Variants in CFAP221 observed in about 807,000 individuals in gnomAD.
CFAP221 encodes the protein cilia and flagella associated protein 221.
CFAP221 carries 97 observed loss-of-function variants against 113.1 expected under a neutral mutation model. The observed-to-expected ratio is 0.86, with a 90% CI of 0.73 to 1.02. The LOEUF (loss-of-function observed/expected upper bound fraction) is 1.02, where lower values mean the gene tolerates loss of function less well. Ranked by LOEUF, CFAP221 falls within the 50% of genes least tolerant of loss-of-function variation. The pLI, the probability that CFAP221 is intolerant of heterozygous loss-of-function variation, is 0.00. For missense variants in CFAP221, 1,025 were observed against 1,013.4 expected (o/e 1.01, Z -0.16); for synonymous variants, 331 against 354.4 (o/e 0.93, Z 0.74).
chr2:119,658,238 A>G (rs553325823), downstream of CFAP221, among the ~76,000 whole-genome samples: 1 of 152,308 alleles, frequency 6.6e-6, no homozygotes, highest in Non-Finnish European at 1.5e-5. Context: ...GCATGGAATC[A>G]TGGACATTTA....
chr2:119,646,224 A>G (rs1405641600), intron 21 of CFAP221, among the ~76,000 whole-genome samples: 1 of 152,148 alleles, frequency 6.6e-6, no homozygotes. Context: ...ACCAAAAGTA[A>G]ACTACCTGTA....
At position 119,567,284 on chromosome 2, in the gene CFAP221, A is replaced by G. The variant is rs186378727; in HGVS notation, c.527+5170A>G. Among the ~76,000 whole-genome samples the G allele has an allele frequency of 3.2e-3, 480 of 152,082 alleles. 2 individuals are homozygous for G. Among genetic ancestry groups the G allele is most frequent in the African/African-American group, 0.011 (456 of 41,484 alleles). Reference sequence around the variant, plus strand: ...CCATGCTTCTATTCATTCCTCCTCCAACCCCCACAACCACTGGCAACCACT... The same window carrying G: ...CCATGCTTCTATTCATTCCTCCTCCGACCCCCACAACCACTGGCAACCACT... On this transcript the variant is annotated intron_variant, in intron 6 of 23. Coordinates refer to ENST00000413369, the MANE Select transcript of CFAP221 (RefSeq NM_001271049.2).
intron 6 of CFAP221, chr2:119,572,420 C>T (rs537132459): frequency 2.7e-5 from 15 of 554,242 alleles, no homozygotes; most frequent in East Asian, 1.7e-4. Context: ...AGATAAAATA[C>T]AATCTCAATC....
intron 21 of CFAP221, 149 bp from the exon 22 acceptor site, chr2:119,646,809 G>T: frequency 1.7e-6 from 1 of 588,676 alleles, no homozygotes; most frequent in Non-Finnish European, 2.8e-6. Context: ...TTGCCTCTGG[G>T]AACCATAAAT....
chr2:119,616,271 G>A (rs1685521265), intron 14 of CFAP221, among the ~76,000 whole-genome samples: 1 of 152,158 alleles, frequency 6.6e-6, no homozygotes, highest in Non-Finnish European at 1.5e-5. Context: ...ATTTTAGCAT[G>A]TATCAATACT....
chr2:119,629,692 A>G (rs1213729391), intron 16 of CFAP221, among the ~76,000 whole-genome samples, 183 bp from the exon 17 acceptor site: 3 of 152,184 alleles, frequency 2.0e-5, no homozygotes, highest in East Asian at 1.9e-4. Context: ...ACTAGGAGAC[A>G]TGGAGGAGGG....
chr2:119,627,291 G>A (rs1373917641), intron 15 of CFAP221, among the ~76,000 whole-genome samples: 3 of 151,934 alleles, frequency 2.0e-5, no homozygotes, highest in African/African-American at 7.3e-5. Context: ...TATCTCTGAT[G>A]TTGAAGTTTC....
intron 19 of CFAP221, among the ~76,000 whole-genome samples, chr2:119,637,496 T>TA (rs1558985587): frequency 6.6e-6 from 1 of 152,182 alleles, no homozygotes; most frequent in African/African-American, 2.4e-5. Flanking sequence ...TTTTAAAAGT[T>TA]AGACAAACAA....
chr2:119,582,252 G>A (rs1682896022), intron 6 of CFAP221, among the ~76,000 whole-genome samples: 2 of 152,062 alleles, frequency 1.3e-5, no homozygotes. Context: ...TACATATGTT[G>A]GTAAATTTAA....
chr2:119,596,873 G>A (rs1268816318), intron 7 of CFAP221, among the ~76,000 whole-genome samples: 1 of 152,096 alleles, frequency 6.6e-6, no homozygotes, highest in Non-Finnish European at 1.5e-5. Context: ...ACCTTGTAGA[G>A]GCCACTGAGT....
intron 3 of CFAP221, among the ~76,000 whole-genome samples, chr2:119,558,054 A>AC (rs1330154660): frequency 3.3e-5 from 5 of 151,832 alleles, no homozygotes; most frequent in African/African-American, 1.2e-4. Context: ...CAGCTTATGC[A>AC]CCCTTGTTTG....
chr2:119,594,186 TC>T (rs1334661954), intron 7 of CFAP221, among the ~76,000 whole-genome samples: 1 of 152,218 alleles, frequency 6.6e-6, no homozygotes, highest in African/African-American at 2.4e-5. Flanking sequence ...CTGTCTGTTT[TC>T]TTTAAGACTC....
chr2:119,658,998 A>C (rs1272897640), downstream of CFAP221, among the ~76,000 whole-genome samples: 2 of 20,632 alleles, frequency 9.7e-5, no homozygotes, highest in African/African-American at 2.5e-4. Context: ...CTCAAAAAAA[A>C]AAAAGAAAAA....
intron 11 of CFAP221, among the ~76,000 whole-genome samples, chr2:119,606,074 G>A (rs1684737421): frequency 6.6e-6 from 1 of 151,948 alleles, no homozygotes; most frequent in Non-Finnish European, 1.5e-5. Flanking sequence ...TCACATCATG[G>A]CCGGCTGCAC....
At chr2:119,625,484 C>G in intron 14 of CFAP221, 99 bp from the exon 15 acceptor site, 1 of 1,019,230 alleles carries the variant, frequency 9.8e-7, no homozygotes, top group Admixed American at 2.0e-5. Context: ...CAGTGGCAGT[C>G]TCAGCTCTTA....
chr2:119,549,274 G>T (rs1680262550), intron 3 of CFAP221, 89 bp downstream of exon 3: 1 of 1,042,122 alleles, frequency 9.6e-7, no homozygotes, highest in Non-Finnish European at 1.4e-6. Flanking sequence ...CTAAAGCACA[G>T]CATAATCAGC....
At position 119,604,722 on chromosome 2, in the gene CFAP221, C is replaced by T. The variant is rs764469525; in HGVS notation, c.842C>T (p.Pro281Leu). The change falls in exon 9 of 24, where the codon CCT becomes CTT. Residue 281 changes from proline to leucine, a missense_variant. By Grantham distance (98) the Pro-to-Leu change is moderately conservative (BLOSUM62 -3). Transcript: ENST00000413369. ...LNTLSKKVNV[P>L]PEKAMMHINF... Reference sequence around the variant, plus strand: ...ACCCTTTCTAAGAAAGTAAACGTTCCTCCAGAAAAAGCAATGATGCATATA... The same window carrying T: ...ACCCTTTCTAAGAAAGTAAACGTTCTTCCAGAAAAAGCAATGATGCATATA... 4 of 1,547,776 alleles carry T rather than the reference C, an allele frequency of 2.6e-6. No homozygotes were observed. The highest frequency in any genetic ancestry group is 2.5e-5 in the South Asian group (2 of 80,514).
At chr2:119,563,989 A>G (rs553252820) in intron 6 of CFAP221, among the ~76,000 whole-genome samples, 1 of 152,302 alleles carries the variant, frequency 6.6e-6, no homozygotes, top group South Asian at 2.1e-4. Flanking sequence ...AGTAGCTGGT[A>G]AATGCCAGAT....
intron 8 of CFAP221, among the ~76,000 whole-genome samples, chr2:119,601,870 A>C (rs1430448457): frequency 1.3e-5 from 2 of 152,268 alleles, no homozygotes; most frequent in East Asian, 3.8e-4. Context: ...AGTGACAGAA[A>C]TGTCTGAAAA....
Sources: allele counts gnomAD v4.1 joint callset (sites outside exome capture counted in the v4.1 genomes callset), GRCh38; gene constraint gnomAD v4.1.1; transcripts MANE v1.5; gene names NCBI Gene and HGNC (gene_info 2026-07-23, HGNC 2026-07-21).